The following ATP2C2 variants were observed in gnomAD, a reference collection of about 807,000 sequenced individuals.
The protein encoded by ATP2C2 is ATPase secretory pathway Ca2+ transporting 2.
In ATP2C2, 171 loss-of-function variants were observed where a neutral mutation model predicts 110.8. That is an observed-to-expected ratio of 1.54 (90% CI 1.36 to 1.75). The LOEUF (loss-of-function observed/expected upper bound fraction) is 1.75, where lower values mean the gene tolerates loss of function less well. Ranked by LOEUF, ATP2C2 falls within the 40% of genes most tolerant of loss-of-function variation. The pLI, the probability that ATP2C2 is intolerant of heterozygous loss-of-function variation, is 0.00. For missense variants in ATP2C2, 1,963 were observed against 1,235.0 expected (o/e 1.59, Z -8.84); for synonymous variants, 804 against 508.4 (o/e 1.58, Z -7.82).
intron 7 of ATP2C2, among the ~76,000 whole-genome samples, chr16:84,418,158 A>G (rs1403437955): frequency 6.6e-6 from 1 of 152,330 alleles, no homozygotes; most frequent in East Asian, 1.9e-4. Flanking sequence ...ATGGGACTCC[A>G]AGTGACGCTT....
In ATP2C2 at chr16:84,422,401, C is replaced by CTTGGTGGATGAATCCAGTT. The variant is rs1567712817; in HGVS notation, c.638_656dup (p.Thr220GlyfsTer3). On this transcript the variant is annotated frameshift_variant, in exon 8 of 27. Coordinates refer to ENST00000262429, the MANE Select transcript of ATP2C2 (RefSeq NM_014861.4). LOFTEE classifies it high-confidence loss of function. ...CCTTGCTCTCCTAGGTCACGGACCT[C>CTTGGTGGATGAATCCAGTT]TTGGTGGATGAATCCAGTTTCACCG... is the stretch of plus-strand genomic sequence containing the variant. The CTTGGTGGATGAATCCAGTT allele has an allele frequency of 6.2e-7, 1 of 1,614,052 alleles. No individual in the cohort carries two copies. The highest frequency in any genetic ancestry group is 1.3e-5 in the African/African-American group (1 of 75,016).
At chr16:84,377,923 C>T (rs1910342846) in intron 1 of ATP2C2, among the ~76,000 whole-genome samples, 2 of 152,278 alleles carry the variant, frequency 1.3e-5, no homozygotes, top group African/African-American at 4.8e-5. Flanking sequence ...GGGCATGGTG[C>T]CCCACTAGCT....
At position 84,460,767 on chromosome 16, in the gene ATP2C2, T is replaced by C. The variant is rs748094946; in HGVS notation, c.2447T>C (p.Ile816Thr). ...ILKILMSAAI[I>T]ISGTLFIFWK... ...AAGATCCTCATGTCCGCGGCCATCA[T>C]CATCAGCGGGACCCTCTTTATCTTC... The change falls in exon 24 of 27, where the codon ATC (isoleucine) becomes ACC (threonine). Residue 816 changes from isoleucine to threonine, a missense_variant. Coordinates refer to ENST00000262429, the MANE Select transcript of ATP2C2 (RefSeq NM_014861.4). 32 of 1,613,832 alleles carry C rather than the reference T, an allele frequency of 2.0e-5. No individual in the cohort carries two copies. In the South Asian group the frequency reaches 3.3e-4, roughly 17 times the overall value.
At chr16:84,453,397 C>T in intron 20 of ATP2C2, 26 bp downstream of exon 20, 1 of 1,613,910 alleles carries the variant, frequency 6.2e-7, no homozygotes, top group East Asian at 2.2e-5. Flanking sequence ...CAGGCACAGG[C>T]TGCGCTGCTG....
chr16:84,400,568 C>G (rs893218038), intron 2 of ATP2C2, among the ~76,000 whole-genome samples: 4 of 152,166 alleles, frequency 2.6e-5, no homozygotes, highest in African/African-American at 9.7e-5. Context: ...ACCTCATGAT[C>G]TGCCTGCCTC....
intron 1 of ATP2C2, among the ~76,000 whole-genome samples, chr16:84,375,373 C>T (rs898943908): frequency 1.3e-5 from 2 of 152,140 alleles, no homozygotes; most frequent in African/African-American, 4.8e-5. Flanking sequence ...GAAACCTCGT[C>T]TCTACTAAAA....
At chr16:84,386,721 C>G (rs995542156) in intron 1 of ATP2C2, among the ~76,000 whole-genome samples, 1 of 152,108 alleles carries the variant, frequency 6.6e-6, no homozygotes, top group Non-Finnish European at 1.5e-5. Flanking sequence ...ATTTCAGAAG[C>G]CCTTCCTCAC....
At chr16:84,371,798 C>G (rs1909971057) in intron 1 of ATP2C2, among the ~76,000 whole-genome samples, 1 of 152,156 alleles carries the variant, frequency 6.6e-6, no homozygotes, top group Admixed American at 6.6e-5. Flanking sequence ...ATGTAGTGAC[C>G]ACCCATCCAT....
intron 11 of ATP2C2, among the ~76,000 whole-genome samples, chr16:84,431,783 G>A (rs1017312121): frequency 3.3e-5 from 5 of 152,130 alleles, no homozygotes; most frequent in African/African-American, 9.7e-5. Context: ...AATACGCCAC[G>A]CCAGGCTGTC....
At chr16:84,463,051 T>C (rs902093017) in intron 26 of ATP2C2, 1 of 157,450 alleles carries the variant, frequency 6.4e-6, no homozygotes, top group Non-Finnish European at 1.4e-5. Context: ...ACTGGCTGTT[T>C]CCACCCGCCG....
intron 2 of ATP2C2, among the ~76,000 whole-genome samples, chr16:84,402,292 C>T (rs1240086005): frequency 6.6e-6 from 1 of 152,168 alleles, no homozygotes; most frequent in East Asian, 1.9e-4. Context: ...TTCTTCCTTT[C>T]CAATTTGGAT....
chr16:84,407,870 A>G (rs570215888), intron 3 of ATP2C2, among the ~76,000 whole-genome samples: 65 of 152,284 alleles, frequency 4.3e-4, no homozygotes, highest in African/African-American at 1.5e-3. Flanking sequence ...CTGTAACATG[A>G]GCTACCATGA....
At chr16:84,385,754 A>C (rs1904310513) in intron 1 of ATP2C2, among the ~76,000 whole-genome samples, 1 of 152,226 alleles carries the variant, frequency 6.6e-6, no homozygotes, top group Non-Finnish European at 1.5e-5. Context: ...GGGAAGCCCC[A>C]TATGAAACCA....
intron 10 of ATP2C2, among the ~76,000 whole-genome samples, chr16:84,424,451 T>A (rs1907618009): frequency 6.6e-6 from 1 of 152,098 alleles, no homozygotes; most frequent in African/African-American, 2.4e-5. Flanking sequence ...CTGATTTTTG[T>A]ATTTTTGGTA....
At chr16:84,389,211 T>C (rs957136055) in intron 1 of ATP2C2, among the ~76,000 whole-genome samples, 4 of 152,194 alleles carry the variant, frequency 2.6e-5, no homozygotes, top group Non-Finnish European at 5.9e-5. Flanking sequence ...TTCTTGTTCT[T>C]CTCAGCACCT....
At chr16:84,452,323 G>A (rs532936680) in intron 18 of ATP2C2, among the ~76,000 whole-genome samples, 2 of 152,252 alleles carry the variant, frequency 1.3e-5, no homozygotes, top group Non-Finnish European at 2.9e-5. Flanking sequence ...GGATACTGAG[G>A]ACCTACTGTG....
chr16:84,414,892 C>T (rs12933476), intron 6 of ATP2C2, among the ~76,000 whole-genome samples: 22,651 of 151,944 alleles, frequency 0.15, 1,780 homozygotes, highest in South Asian at 0.22. Context: ...GTTTGGGGTT[C>T]TAAGAGCGCT....
At chr16:84,394,155 G>A (rs1189549914) in intron 1 of ATP2C2, among the ~76,000 whole-genome samples, 1 of 152,062 alleles carries the variant, frequency 6.6e-6, no homozygotes, top group Non-Finnish European at 1.5e-5. Flanking sequence ...CTGCACTCCA[G>A]CCTGAGCAAC....
intron 6 of ATP2C2, among the ~76,000 whole-genome samples, chr16:84,413,529 T>A (rs930962333): frequency 6.6e-6 from 1 of 152,178 alleles, no homozygotes; most frequent in Admixed American, 6.5e-5. Context: ...ACATGTGACA[T>A]CATTAACTGA....
Sources: gnomAD v4.1 joint callset for allele counts (sites outside exome capture counted in the v4.1 genomes callset) on GRCh38, gnomAD v4.1.1 for gene constraint, MANE v1.5 for transcripts, NCBI Gene and HGNC (gene_info 2026-07-23, HGNC 2026-07-21) for gene names.